The following PTGER3 variants were observed in gnomAD, a reference collection of about 807,000 sequenced individuals.
PTGER3 encodes prostaglandin E2 receptor EP3 subtype.
Under a neutral mutation model 34.7 loss-of-function variants are expected in PTGER3, and 22 were observed. That is an observed-to-expected ratio of 0.63 (90% CI 0.45 to 0.91). The LOEUF (loss-of-function observed/expected upper bound fraction) is 0.91, where lower values mean the gene tolerates loss of function less well. Among genes scored for constraint, PTGER3 ranks in the 40% least tolerant of loss-of-function variants. The probability of loss-of-function intolerance (pLI) is 0.00; values close to 1 mark genes in which losing one functional copy is unlikely to be tolerated. For missense variants in PTGER3, 468 were observed against 519.4 expected (o/e 0.90, Z 0.96); for synonymous variants, 241 against 230.1 (o/e 1.05, Z -0.43).
At chr1:71,039,818 G>A (rs1352400210) in intron 1 of PTGER3, among the ~76,000 whole-genome samples, 1 of 151,990 alleles carries the variant, frequency 6.6e-6, no homozygotes. Flanking sequence ...CAGTTTGCTA[G>A]GAGAAAGGTC....
intron 4 of PTGER3, among the ~76,000 whole-genome samples, chr1:70,935,672 A>ATATATATATATATATATATATATAT (rs59431299): frequency 2.6e-4 from 36 of 140,196 alleles, no homozygotes; most frequent in African/African-American, 9.9e-4. Context: ...TACAAATATA[A>ATATATATATATATATATATATATAT]ATATATATAT....
chr1:70,949,203 A>T (rs372883540), downstream of PTGER3, among the ~76,000 whole-genome samples: 48 of 152,270 alleles, frequency 3.2e-4, no homozygotes, highest in Middle Eastern at 0.014. Context: ...TCTGAGGTTA[A>T]TGGCTCCTCC....
At chr1:70,946,478 C>T (rs2100564697) in intron 4 of PTGER3, among the ~76,000 whole-genome samples, 1 of 152,268 alleles carries the variant, frequency 6.6e-6, no homozygotes, top group African/African-American at 2.4e-5. Context: ...CCATGTTAAA[C>T]TATGGCAAGT....
At chr1:70,996,563 C>A (rs1210116696) in intron 2 of PTGER3, among the ~76,000 whole-genome samples, 1 of 151,804 alleles carries the variant, frequency 6.6e-6, no homozygotes, top group East Asian at 1.9e-4. Flanking sequence ...TGGGTTCATG[C>A]CATTCTCCTG....
At chr1:70,925,200 T>A (rs1251647984) in intron 4 of PTGER3, among the ~76,000 whole-genome samples, 1 of 152,208 alleles carries the variant, frequency 6.6e-6, no homozygotes, top group Non-Finnish European at 1.5e-5. Flanking sequence ...AGATGGAGTT[T>A]CGCCATTCTG....
intron 4 of PTGER3, among the ~76,000 whole-genome samples, chr1:70,867,477 T>C (rs1557614914): frequency 6.6e-6 from 1 of 152,134 alleles, no homozygotes; most frequent in Non-Finnish European, 1.5e-5. Context: ...TCCCAGCATG[T>C]TGGGAGGCCG....
downstream of PTGER3, among the ~76,000 whole-genome samples, chr1:70,949,915 C>T (rs1407232393): frequency 1.3e-5 from 2 of 152,034 alleles, no homozygotes; most frequent in Non-Finnish European, 2.9e-5. Flanking sequence ...GGCAGAACTC[C>T]AAAACCACCT....
chr1:70,873,646 G>T (rs1646211684), intron 4 of PTGER3, among the ~76,000 whole-genome samples: 1 of 146,940 alleles, frequency 6.8e-6, no homozygotes, highest in South Asian at 2.2e-4. Context: ...CGATATGTGA[G>T]GTGCTTTTTT....
intron 4 of PTGER3, among the ~76,000 whole-genome samples, chr1:70,853,261 T>C (rs1645722501): frequency 6.6e-6 from 1 of 152,200 alleles, no homozygotes; most frequent in African/African-American, 2.4e-5. Context: ...TAGGCTAATT[T>C]CAATTTATAG....
At chr1:70,947,677 A>G (rs1288561324), downstream of PTGER3, among the ~76,000 whole-genome samples, 1 of 152,138 alleles carries the variant, frequency 6.6e-6, no homozygotes, top group African/African-American at 2.4e-5. Context: ...AGGCTTTCCC[A>G]CTACTGTAGA....
chr1:70,988,016 C>A (rs1430220289), intron 2 of PTGER3, among the ~76,000 whole-genome samples: 3 of 152,142 alleles, frequency 2.0e-5, no homozygotes, highest in Non-Finnish European at 4.4e-5. Context: ...ATTCACAATG[C>A]ATTCTCATTT....
intron 4 of PTGER3, among the ~76,000 whole-genome samples, chr1:70,942,711 GA>G (rs2100549717): frequency 6.6e-6 from 1 of 152,278 alleles, no homozygotes; most frequent in East Asian, 1.9e-4. Context: ...TGTACTTGCA[GA>G]CAGGGCCTTT....
At chr1:70,950,065 A>G (rs1181258059), downstream of PTGER3, among the ~76,000 whole-genome samples, 8 of 152,212 alleles carry the variant, frequency 5.3e-5, no homozygotes, top group East Asian at 1.5e-3. Context: ...GAAGGAAGAC[A>G]CGAAGAAGGG....
intron 2 of PTGER3, among the ~76,000 whole-genome samples, chr1:70,963,700 G>T (rs900459342): frequency 6.6e-6 from 1 of 152,058 alleles, no homozygotes; most frequent in Non-Finnish European, 1.5e-5. Context: ...TCTCTCCTAA[G>T]CCTCCAAGCC....
intron 3 of PTGER3, among the ~76,000 whole-genome samples, chr1:70,972,164 A>C (rs1348643125): frequency 6.6e-6 from 1 of 151,986 alleles, no homozygotes; most frequent in African/African-American, 2.4e-5. Context: ...CATCTCTACT[A>C]ATACAAAAAT....
chr1:71,033,523 T>G (rs1659577744), intron 1 of PTGER3, among the ~76,000 whole-genome samples: 1 of 152,234 alleles, frequency 6.6e-6, no homozygotes, highest in African/African-American at 2.4e-5. Context: ...ACTAGAATGC[T>G]AATTCCCTGA....
rs1660868249 is a variant in PTGER3 at position 71,046,812 on chromosome 1, G to A, written c.766C>T (p.Leu256=). The change falls in exon 1 of 4, where the codon CTG becomes TTG. Residue 256 remains leucine (L), a synonymous_variant. Coordinates refer to ENST00000306666, the MANE Select transcript of PTGER3 (RefSeq NM_198719.2). ...GCCTTGGCCCGGCAGCGGGACACCA[G>A]GGCCTTAATGGTGGCCAGGTTGCAG... The part of the protein sequence containing the change: ...FSCNLATIKA[L]VSRCRAKATA... 6.2e-7 allele frequency: 1 copy of A among 1,614,112 alleles called. No individual in the cohort carries two copies. The highest frequency in any genetic ancestry group is 8.5e-7 in the Non-Finnish European group (1 of 1,180,052).
chr1:70,971,843 A>T, intron 3 of PTGER3, 110 bp from the exon 4 acceptor site: 7 of 681,526 alleles, frequency 1.0e-5, no homozygotes, highest in Non-Finnish European at 1.7e-5. Context: ...TGTTTGCTTT[A>T]AACGTTTAAA....
chr1:71,006,412 A>G (rs1656968890), intron 2 of PTGER3: 1 of 985,438 alleles, frequency 1.0e-6, no homozygotes, highest in Non-Finnish European at 1.2e-6. Context: ...CCCAGTATTC[A>G]TAACCACCAA....
Sources: allele counts gnomAD v4.1 joint callset (sites outside exome capture counted in the v4.1 genomes callset), GRCh38; gene constraint gnomAD v4.1.1; transcripts MANE v1.5; gene names NCBI Gene and HGNC (gene_info 2026-07-23, HGNC 2026-07-21).